FZD3: variants seen among roughly 807,000 people sequenced by gnomAD.
FZD3 encodes frizzled-3.
Under a neutral mutation model 60.7 loss-of-function variants are expected in FZD3, and 30 were observed. That is an observed-to-expected ratio of 0.49 (90% CI 0.37 to 0.67). FZD3 has a LOEUF of 0.67. Ranked by LOEUF, FZD3 falls within the 30% of genes least tolerant of loss-of-function variation. FZD3 has a pLI of 0.00. For synonymous variants in FZD3, 246 were observed against 275.2 expected (o/e 0.89, Z 1.05); for missense variants, 605 against 838.7 (o/e 0.72, Z 3.44).
intron 3 of FZD3, among the ~76,000 whole-genome samples, chr8:28,510,757 C>T (rs75567556): frequency 0.014 from 2,078 of 152,244 alleles, 51 homozygotes; most frequent in African/African-American, 0.048. Flanking sequence ...TAACAGTGGG[C>T]CGGGCACGGT....
intron 4 of FZD3, among the ~76,000 whole-genome samples, 179 bp from the exon 5 acceptor site, chr8:28,526,968 C>G (rs1391718525): frequency 6.6e-6 from 1 of 152,040 alleles, no homozygotes; most frequent in Non-Finnish European, 1.5e-5. Flanking sequence ...GCTCAACTGT[C>G]GAAAATCTAG....
intron 6 of FZD3, among the ~76,000 whole-genome samples, chr8:28,555,066 CCAT>C (rs1428224600): frequency 6.6e-6 from 1 of 152,060 alleles, no homozygotes; most frequent in Non-Finnish European, 1.5e-5. Context: ...TTGTTCTTAA[CCAT>C]AATTTTTCCC....
At chr8:28,511,893 C>A (rs1467041731) in intron 3 of FZD3, among the ~76,000 whole-genome samples, 1 of 152,114 alleles carries the variant, frequency 6.6e-6, no homozygotes, top group East Asian at 1.9e-4. Context: ...GACACAGAAC[C>A]TCACACATAG....
At chr8:28,528,296 G>A (rs1804773282) in intron 5 of FZD3, 132 bp downstream of exon 5, 2 of 654,440 alleles carry the variant, frequency 3.1e-6, no homozygotes, top group African/African-American at 1.8e-5. Flanking sequence ...TTTTAAGGAT[G>A]AGATGACAAA....
chr8:28,541,611 T>C (rs1382436859), intron 5 of FZD3, among the ~76,000 whole-genome samples: 1 of 152,226 alleles, frequency 6.6e-6, no homozygotes, highest in Admixed American at 6.5e-5. Context: ...TATAATCTTA[T>C]CCAGTCCCAT....
chr8:28,513,262 GC>G (rs895506947), intron 3 of FZD3, among the ~76,000 whole-genome samples: 1 of 152,076 alleles, frequency 6.6e-6, no homozygotes, highest in African/African-American at 2.4e-5. Flanking sequence ...GGTTTGTAAA[GC>G]TTTATCTTTT....
chr8:28,537,998 T>C (rs776562688), intron 5 of FZD3, among the ~76,000 whole-genome samples: 90 of 151,770 alleles, frequency 5.9e-4, no homozygotes, highest in Non-Finnish European at 1.1e-3. Flanking sequence ...GCGCCTGTAA[T>C]CCCAGCTACC....
rs186730860 is a variant in FZD3, at chr8:28,524,414, G to T, written c.387-2733G>T. On this transcript the variant is annotated intron_variant, in intron 4 of 7. Coordinates refer to ENST00000240093, the MANE Select transcript of FZD3 (RefSeq NM_017412.4). Reference sequence around the variant, plus strand: ...TTGTATTTTCTATTTGTAACCACTTGTCTTGGTCAGAAAAATTTCTGTTCA... The same window carrying T: ...TTGTATTTTCTATTTGTAACCACTTTTCTTGGTCAGAAAAATTTCTGTTCA... Among the ~76,000 whole-genome samples the T allele has an allele frequency of 2.2e-4, 34 of 152,220 alleles. No individual in the cohort carries two copies. The East Asian group carries it at 6.2e-3, about 28-fold the overall frequency.
At chr8:28,554,199 A>T (rs1018232804) in intron 6 of FZD3, among the ~76,000 whole-genome samples, 6 of 152,218 alleles carry the variant, frequency 3.9e-5, no homozygotes, top group African/African-American at 1.2e-4. Flanking sequence ...GGGTCATTTC[A>T]CTTAATTTCT....
At chr8:28,506,108 C>A (rs368373113) in intron 3 of FZD3, among the ~76,000 whole-genome samples, 1 of 152,312 alleles carries the variant, frequency 6.6e-6, no homozygotes, top group East Asian at 1.9e-4. Context: ...GGGAACTGTT[C>A]AGCATGGAGC....
chr8:28,534,297 C>T (rs1012404961), intron 5 of FZD3, among the ~76,000 whole-genome samples: 1 of 152,182 alleles, frequency 6.6e-6, no homozygotes, highest in Non-Finnish European at 1.5e-5. Flanking sequence ...AGTAAATTCA[C>T]ATTGTGCAAC....
chr8:28,525,460 T>A (rs1279516710), intron 4 of FZD3, among the ~76,000 whole-genome samples: 1 of 152,200 alleles, frequency 6.6e-6, no homozygotes, highest in East Asian at 1.9e-4. Flanking sequence ...CAAATGATGA[T>A]ATCTGGGGGC....
In FZD3 at chr8:28,527,002, T is replaced by A; in HGVS notation, c.387-145T>A. On this transcript the variant is annotated intron_variant, in intron 4 of 7. Transcript: ENST00000240093. This position sits in a 1 kb window ranked among gnomAD's most constrained non-coding sequence, Gnocchi z 5.0. ...AGTTGTATGGACCACAAACAAGATA[T>A]CACCATTTACTTTATTTCTACATAT... 1.3e-6 allele frequency: 1 copy of A among 741,920 alleles called. No homozygotes were observed. Among genetic ancestry groups the A allele is most frequent in the Non-Finnish European group, 2.2e-6 (1 of 449,550 alleles). 46.0% of individuals were successfully genotyped at this position (741,920 alleles called of 1,614,324 possible). A position where few individuals can be genotyped will look rare whatever the true frequency, so the allele number is the denominator to read the frequency against.
intron 3 of FZD3, among the ~76,000 whole-genome samples, chr8:28,508,852 C>A (rs1336414500): frequency 2.6e-5 from 4 of 152,266 alleles, no homozygotes; most frequent in East Asian, 3.9e-4. Context: ...TCTTTAAATT[C>A]ATTTTTGTTT....
Position 28,502,986 on chromosome 8 carries a change from A to G in FZD3, c.-28A>G, listed in dbSNP as rs1437670595. The G allele has an allele frequency of 6.5e-7, 1 of 1,538,170 alleles. No homozygotes were observed. The highest frequency in any genetic ancestry group is 2.3e-5 in the East Asian group (1 of 44,340). On this transcript the variant is annotated 5_prime_UTR_variant, in exon 3 of 8. Transcript: ENST00000240093. The stretch of plus-strand genomic sequence containing the variant: ...AAATACATATTGAATAGGCCTGATC[A>G]TCTGAATCTCCTTCAGACCCAGGAA...
chr8:28,539,761 C>T (rs951969597), intron 5 of FZD3, among the ~76,000 whole-genome samples: 2 of 151,966 alleles, frequency 1.3e-5, no homozygotes, highest in African/African-American at 4.8e-5. Context: ...AGTATAGATT[C>T]CTCTTGATAG....
intron 5 of FZD3, among the ~76,000 whole-genome samples, chr8:28,548,024 T>C (rs1805335330): frequency 6.6e-6 from 1 of 152,026 alleles, no homozygotes; most frequent in Non-Finnish European, 1.5e-5. Flanking sequence ...GGCTAATTTT[T>C]GTATTTTTAG....
chr8:28,506,464 T>G lies in FZD3; in HGVS notation c.189+3262T>G, dbSNP rs186331944. ...AGTGCTGTGTGAATACAGAGCATTC[T>G]TCTTTGTTGCCTGTCACCCTGTTTT... is the stretch of plus-strand genomic sequence containing the variant. On this transcript the variant is annotated intron_variant, in intron 3 of 7. Transcript: ENST00000240093. Among the ~76,000 whole-genome samples the G allele has an allele frequency of 2.0e-5, 3 of 152,336 alleles. No homozygotes were observed. The East Asian group carries it at 5.8e-4, about 29-fold the overall frequency.
At chr8:28,509,649 A>G (rs971691260) in intron 3 of FZD3, among the ~76,000 whole-genome samples, 4 of 152,130 alleles carry the variant, frequency 2.6e-5, no homozygotes, top group African/African-American at 9.7e-5. Flanking sequence ...TTGCCTCTGA[A>G]GTTGACCACT....
Sources: gnomAD v4.1 joint callset for allele counts (sites outside exome capture counted in the v4.1 genomes callset) on GRCh38, gnomAD v4.1.1 for gene constraint, Gnocchi (gnomAD v3.1) non-coding constraint, MANE v1.5 for transcripts, NCBI Gene and HGNC (gene_info 2026-07-23, HGNC 2026-07-21) for gene names.